The following FANCL variants were observed in gnomAD, a reference collection of about 807,000 sequenced individuals.
The protein encoded by FANCL is FA complementation group L.
Under a neutral mutation model 59.4 loss-of-function variants are expected in FANCL, and 69 were observed. The observed-to-expected ratio is 1.16, with a 90% CI of 0.96 to 1.42. The LOEUF (loss-of-function observed/expected upper bound fraction) is 1.42, where lower values mean the gene tolerates loss of function less well. FANCL is among the 40% of genes most tolerant of loss of function. The pLI, the probability that FANCL is intolerant of heterozygous loss-of-function variation, is 0.00. For missense variants in FANCL, 519 were observed against 447.2 expected (o/e 1.16, Z -1.45); for synonymous variants, 180 against 147.1 (o/e 1.22, Z -1.62).
intron 7 of FANCL, among the ~76,000 whole-genome samples, chr2:58,166,747 G>A (rs954498562): frequency 6.6e-6 from 1 of 152,166 alleles, no homozygotes; most frequent in African/African-American, 2.4e-5. Context: ...TTAAGAATAT[G>A]ATACACCCTA....
chr2:58,208,257 AG>A (rs1220526777), intron 5 of FANCL, among the ~76,000 whole-genome samples: 6 of 152,230 alleles, frequency 3.9e-5, no homozygotes, highest in African/African-American at 1.4e-4. Context: ...ATTTAGAAGG[AG>A]TTTAGATATT....
chr2:58,189,767 G>A (rs1688744188), intron 7 of FANCL, among the ~76,000 whole-genome samples: 2 of 152,116 alleles, frequency 1.3e-5, no homozygotes, highest in South Asian at 2.1e-4. Context: ...ATTATTTCCA[G>A]TATTTTAATA....
At chr2:58,168,339 C>T (rs1034455814) in intron 7 of FANCL, among the ~76,000 whole-genome samples, 2 of 152,118 alleles carry the variant, frequency 1.3e-5, no homozygotes, top group South Asian at 2.1e-4. Context: ...ACTCAGGAAG[C>T]GCAAGGGGTT....
chr2:58,174,529 A>C (rs546669213), intron 7 of FANCL, among the ~76,000 whole-genome samples: 1 of 152,148 alleles, frequency 6.6e-6, no homozygotes, highest in Non-Finnish European at 1.5e-5. Context: ...AACCTGCTCC[A>C]GAATGACTAC....
chr2:58,174,621 T>C (rs1336031980), intron 7 of FANCL, among the ~76,000 whole-genome samples: 1 of 152,032 alleles, frequency 6.6e-6, no homozygotes, highest in Non-Finnish European at 1.5e-5. Flanking sequence ...CCAGAATCTC[T>C]GGGACACATT....
At chr2:58,202,109 T>TTTTTGTTTCCTAAAATA (rs1690093690) in intron 6 of FANCL, among the ~76,000 whole-genome samples, 1 of 151,462 alleles carries the variant, frequency 6.6e-6, no homozygotes, top group African/African-American at 2.4e-5. Flanking sequence ...TTCCCTAAAA[T>TTTTTGTTTCCTAAAATA]TTTTGTTTCC....
intron 5 of FANCL, among the ~76,000 whole-genome samples, chr2:58,214,545 G>C (rs995063060): frequency 6.6e-6 from 1 of 151,968 alleles, no homozygotes; most frequent in African/African-American, 2.4e-5. Flanking sequence ...GGGTCTCACT[G>C]TCACCTAGAC....
chr2:58,224,497 A>G (rs568449364), intron 4 of FANCL, among the ~76,000 whole-genome samples: 1 of 151,990 alleles, frequency 6.6e-6, no homozygotes, highest in East Asian at 1.9e-4. Flanking sequence ...CTATTATTCT[A>G]ATCTCACACA....
intron 5 of FANCL, among the ~76,000 whole-genome samples, chr2:58,214,369 T>C (rs1187020585): frequency 6.6e-6 from 1 of 152,210 alleles, no homozygotes; most frequent in Non-Finnish European, 1.5e-5. Flanking sequence ...CCATATTTTA[T>C]ATACTTGACT....
rs1693636944 is a variant in FANCL at position 58,232,054 on chromosome 2, C to T, written c.155G>A (p.Arg52Lys). The change falls in exon 2 of 14, where the codon AGA (arginine) becomes AAA (lysine). Residue 52 changes from arginine to lysine, a missense_variant and splice_region_variant. Physicochemically the swap from Arg to Lys is conservative, Grantham distance 26. Coordinates refer to ENST00000233741, the MANE Select transcript of FANCL (RefSeq NM_018062.4). ...LPEDLQLKNARLLCSWQLRTI... is the reference protein window; with the variant it reads ...LPEDLQLKNAKLLCSWQLRTI... The stretch of plus-strand genomic sequence containing the variant: ...CGTTTATAACTAAACACCATATCAC[C>T]TTGCATTCTTCAGTTGTAAATCTTC... 2.0e-5 allele frequency: 33 copies of T among 1,612,922 alleles called. No individual in the cohort carries two copies. Among genetic ancestry groups the T allele is most frequent in the Non-Finnish European group, 2.8e-5 (33 of 1,179,172 alleles).
intron 7 of FANCL, among the ~76,000 whole-genome samples, chr2:58,184,716 G>A (rs1267709173): frequency 6.6e-6 from 1 of 152,026 alleles, no homozygotes. Flanking sequence ...AGGAAGAAAA[G>A]TATCCTAGAA....
intron 1 of FANCL, among the ~76,000 whole-genome samples, chr2:58,233,558 C>G (rs1249007923): frequency 6.6e-6 from 1 of 151,900 alleles, no homozygotes; most frequent in African/African-American, 2.4e-5. Flanking sequence ...CCACAAAAAT[C>G]CCATGTTTTC....
At chr2:58,206,411 G>A (rs1415391462) in intron 5 of FANCL, among the ~76,000 whole-genome samples, 1 of 152,068 alleles carries the variant, frequency 6.6e-6, no homozygotes, top group African/African-American at 2.4e-5. Context: ...AATAATATGG[G>A]AGACTGCTTT....
chr2:58,206,503 A>G (rs1223314045), intron 5 of FANCL, among the ~76,000 whole-genome samples: 1 of 137,886 alleles, frequency 7.3e-6, no homozygotes. Context: ...GAGGGGTGGA[A>G]GAAAAAACTA....
Position 58,222,044 on chromosome 2 carries a change from T to G in FANCL, c.274-2A>C. ...TTGTCTATTCTTTAAGGCAACTTCC[T>G]GTTTAAAAGAAGAAAACCTGAATTA... On this transcript the variant is annotated splice_acceptor_variant, in intron 4 of 13. Transcript: ENST00000233741. LOFTEE classifies it high-confidence loss of function. 1 of 1,609,094 alleles carries G rather than the reference T, an allele frequency of 6.2e-7. No individual in the cohort carries two copies.
chr2:58,164,805 T>C (rs1355888340), intron 8 of FANCL, among the ~76,000 whole-genome samples: 2 of 152,076 alleles, frequency 1.3e-5, no homozygotes, highest in African/African-American at 4.8e-5. Flanking sequence ...TTGTTCCAAA[T>C]TAAACACAGT....
intron 1 of FANCL, among the ~76,000 whole-genome samples, chr2:58,235,393 A>T (rs1693920084): frequency 6.6e-6 from 1 of 152,140 alleles, no homozygotes; most frequent in Non-Finnish European, 1.5e-5. Flanking sequence ...GCCATTAAAT[A>T]GAGTGCTCAG....
chr2:58,208,319 A>G (rs1022318663), intron 5 of FANCL, among the ~76,000 whole-genome samples: 8 of 152,322 alleles, frequency 5.3e-5, no homozygotes, highest in African/African-American at 1.7e-4. Flanking sequence ...ATAAAACTGA[A>G]GTATAAAATC....
intron 2 of FANCL, among the ~76,000 whole-genome samples, chr2:58,230,731 T>A (rs911031511): frequency 1.3e-5 from 2 of 152,180 alleles, no homozygotes; most frequent in Non-Finnish European, 2.9e-5. Flanking sequence ...CATTCAAATG[T>A]CCATTGGTAA....
Sources: gnomAD v4.1 joint callset for allele counts (sites outside exome capture counted in the v4.1 genomes callset) on GRCh38, gnomAD v4.1.1 for gene constraint, MANE v1.5 for transcripts, NCBI Gene and HGNC (gene_info 2026-07-23, HGNC 2026-07-21) for gene names.